DPYD: variants seen among roughly 807,000 people sequenced by gnomAD.
The protein encoded by DPYD is dihydropyrimidine dehydrogenase [NADP(+)].
A neutral mutation model predicts 116.2 loss-of-function variants in DPYD; 109 were observed. The ratio of observed to expected loss-of-function variants is 0.94; its 90% confidence interval spans 0.80 to 1.10. The LOEUF is 1.10. Among genes scored for constraint, DPYD ranks in the 50% least tolerant of loss-of-function variants. DPYD has a pLI of 0.00. For synonymous variants in DPYD, 440 were observed against 432.0 expected, an observed-to-expected ratio of 1.02 and a Z score of -0.23; for missense variants, 1,302 against 1,254.5, an observed-to-expected ratio of 1.04 and a Z score of -0.57.
chr1:97,757,708 A>C (rs994209801), intron 3 of DPYD, among the ~76,000 whole-genome samples: 1 of 152,104 alleles, frequency 6.6e-6, no homozygotes, highest in Non-Finnish European at 1.5e-5. Flanking sequence ...AATAATGTAG[A>C]CAGCTATAAT....
intron 5 of DPYD, chr1:97,700,289 A>C (rs1333242329): frequency 2.2e-6 from 1 of 455,976 alleles, no homozygotes; most frequent in Non-Finnish European, 4.4e-6. Flanking sequence ...TTGGAAATGT[A>C]GGAGGCCATT....
intron 12 of DPYD, among the ~76,000 whole-genome samples, chr1:97,543,091 C>T (rs553790852): frequency 1.8e-4 from 28 of 152,182 alleles, no homozygotes; most frequent in African/African-American, 6.7e-4. Context: ...TTCTGCAAGA[C>T]CCAAGAAGAT....
chr1:97,289,447 T>C (rs1243466925), intron 18 of DPYD, among the ~76,000 whole-genome samples: 1 of 152,034 alleles, frequency 6.6e-6, no homozygotes, highest in East Asian at 1.9e-4. Flanking sequence ...AATAAAATAC[T>C]GGCAAAACGA....
rs902707462 is a variant in DPYD at position 97,445,698 on chromosome 1, C to T, written c.1905+4361G>A. On this transcript the variant is annotated intron_variant, in intron 14 of 22. Coordinates refer to ENST00000370192, the MANE Select transcript of DPYD (RefSeq NM_000110.4). ...AGGTAGTAATATTTTCTAAGTATTA[C>T]TCCTTTCTAAATGTATAAATTGTCT... Among the ~76,000 whole-genome samples the T allele has an allele frequency of 7.3e-5, 11 of 151,036 alleles. No homozygotes were observed. In the South Asian group the frequency reaches 1.1e-3, roughly 14 times the overall value.
At chr1:97,488,415 A>T (rs1397654713) in intron 13 of DPYD, among the ~76,000 whole-genome samples, 3 of 152,194 alleles carry the variant, frequency 2.0e-5, no homozygotes, top group African/African-American at 7.2e-5. Context: ...ATAATTATAT[A>T]TACACACACA....
intron 8 of DPYD, among the ~76,000 whole-genome samples, chr1:97,638,034 T>C (rs886268024): frequency 7.2e-5 from 11 of 152,148 alleles, no homozygotes; most frequent in African/African-American, 2.2e-4. Context: ...TCATGTAACA[T>C]TAAATATTAA....
At chr1:97,728,037 G>A (rs1228196370) in intron 4 of DPYD, among the ~76,000 whole-genome samples, 1 of 151,898 alleles carries the variant, frequency 6.6e-6, no homozygotes, top group Non-Finnish European at 1.5e-5. Context: ...ACATTTCAGT[G>A]TTCCATCATG....
chr1:97,136,536 G>C (rs1157091895), intron 20 of DPYD, among the ~76,000 whole-genome samples: 1 of 151,936 alleles, frequency 6.6e-6, no homozygotes, highest in Non-Finnish European at 1.5e-5. Context: ...GCCAGACTGG[G>C]GTATCTTAGT....
chr1:97,115,381 T>C (rs1267580782), intron 20 of DPYD, among the ~76,000 whole-genome samples: 1 of 152,196 alleles, frequency 6.6e-6, no homozygotes, highest in African/African-American at 2.4e-5. Flanking sequence ...TTGAAAGTTC[T>C]AAAATAGCAA....
intron 20 of DPYD, among the ~76,000 whole-genome samples, chr1:97,134,014 AATATATATATATATAT>A (rs1165027630): frequency 7.4e-4 from 14 of 18,816 alleles, no homozygotes; most frequent in Non-Finnish European, 7.6e-4. Context: ...AAAAAAAAAA[AATATATATATATATAT>A]ATATATATAT....
At chr1:97,143,807 C>T (rs1186507667) in intron 20 of DPYD, among the ~76,000 whole-genome samples, 1 of 152,030 alleles carries the variant, frequency 6.6e-6, no homozygotes, top group Non-Finnish European at 1.5e-5. Flanking sequence ...CTTCGTAAGG[C>T]CATTTCTTAT....
chr1:97,710,734 A>T (rs1305847322), intron 5 of DPYD, among the ~76,000 whole-genome samples: 1 of 151,514 alleles, frequency 6.6e-6, no homozygotes, highest in African/African-American at 2.4e-5. Context: ...AAAAACATAG[A>T]CTCTCCAGTA....
chr1:97,871,278 A>T (rs1226205563), intron 2 of DPYD, among the ~76,000 whole-genome samples: 1 of 151,892 alleles, frequency 6.6e-6, no homozygotes, highest in Non-Finnish European at 1.5e-5. Context: ...AAACAAATTC[A>T]ATCTATTTGG....
chr1:97,909,513 CTAT>C, intron 1 of DPYD, among the ~76,000 whole-genome samples: 1 of 152,176 alleles, frequency 6.6e-6, no homozygotes, highest in South Asian at 2.1e-4. Flanking sequence ...TCCTCACATT[CTAT>C]TTTCTTCTCA....
intron 20 of DPYD, among the ~76,000 whole-genome samples, chr1:97,114,368 T>G (rs1170914928): frequency 6.6e-6 from 1 of 152,158 alleles, no homozygotes; most frequent in Non-Finnish European, 1.5e-5. Flanking sequence ...ACTATGTACA[T>G]TATATATTTG....
At chr1:97,747,222 T>C (rs969719359) in intron 3 of DPYD, among the ~76,000 whole-genome samples, 2 of 152,076 alleles carry the variant, frequency 1.3e-5, no homozygotes, top group Non-Finnish European at 2.9e-5. Context: ...GTAAAGACAA[T>C]GAATACCAGA....
At chr1:97,080,510 A>G (rs1649081087) in intron 22 of DPYD, among the ~76,000 whole-genome samples, 1 of 152,096 alleles carries the variant, frequency 6.6e-6, no homozygotes, top group Non-Finnish European at 1.5e-5. Flanking sequence ...AAAAAGTCTG[A>G]TCTGTAAGGA....
At chr1:97,292,959 C>A (rs902202411) in intron 18 of DPYD, among the ~76,000 whole-genome samples, 1 of 151,952 alleles carries the variant, frequency 6.6e-6, no homozygotes, top group African/African-American at 2.4e-5. Flanking sequence ...AAAAAAAAGA[C>A]CAAATGTTTG....
chr1:97,754,476 C>T (rs1410621164), intron 3 of DPYD, among the ~76,000 whole-genome samples: 1 of 152,174 alleles, frequency 6.6e-6, no homozygotes, highest in Non-Finnish European at 1.5e-5. Context: ...TGTCACAGTA[C>T]GTGGCATGCT....
Sources: gnomAD v4.1 joint callset for allele counts (sites outside exome capture counted in the v4.1 genomes callset) on GRCh38, gnomAD v4.1.1 for gene constraint, MANE v1.5 for transcripts, NCBI Gene and HGNC (gene_info 2026-07-23, HGNC 2026-07-21) for gene names.